CACNA2D1: variants seen among roughly 807,000 people sequenced by gnomAD.
CACNA2D1 encodes the protein calcium voltage-gated channel auxiliary subunit alpha2delta 1.
CACNA2D1 carries 53 observed loss-of-function variants against 171.5 expected under a neutral mutation model. That is an observed-to-expected ratio of 0.31 (90% CI 0.25 to 0.39). The LOEUF (loss-of-function observed/expected upper bound fraction) is 0.39. CACNA2D1 is among the 10% of genes least tolerant of loss of function. The pLI, the probability that CACNA2D1 is intolerant of heterozygous loss-of-function variation, is 1.00. For synonymous variants in CACNA2D1, 442 were observed against 443.1 expected (o/e 1.00, Z 0.03); for missense variants, 903 against 1,299.8 (o/e 0.69, Z 4.69).
chr7:82,127,667 C>A (rs907972797), intron 5 of CACNA2D1, among the ~76,000 whole-genome samples: 2 of 152,030 alleles, frequency 1.3e-5, no homozygotes, highest in African/African-American at 4.8e-5. Context: ...TACAAAAAAA[C>A]AAGGAAGGTT....
chr7:82,235,778 C>A (rs78290004), intron 3 of CACNA2D1, among the ~76,000 whole-genome samples: 1 of 151,896 alleles, frequency 6.6e-6, no homozygotes, highest in African/African-American at 2.4e-5. Context: ...GAGGATATTT[C>A]GGCTTTGAGA....
At chr7:82,162,066 T>C (rs1794999524) in intron 4 of CACNA2D1, among the ~76,000 whole-genome samples, 1 of 152,010 alleles carries the variant, frequency 6.6e-6, no homozygotes. Context: ...TGAAAAGACA[T>C]GAAGTGTGAA....
At chr7:82,363,254 C>CTATTTTTTTTTTTTTTTTTT (rs1821286522) in intron 1 of CACNA2D1, among the ~76,000 whole-genome samples, 1 of 63,420 alleles carries the variant, frequency 1.6e-5, no homozygotes, top group African/African-American at 8.4e-5. Flanking sequence ...TTATTTGTCT[C>CTATTTTTTTTTTTTTTTTTT]TTTTTTTTTT....
intron 21 of CACNA2D1, among the ~76,000 whole-genome samples, chr7:81,986,245 C>T (rs1443684627): frequency 6.6e-6 from 1 of 152,114 alleles, no homozygotes; most frequent in Non-Finnish European, 1.5e-5. Context: ...TAATGTAACC[C>T]ACTTGGTCAC....
chr7:82,018,989 G>GT (rs775360026), intron 12 of CACNA2D1, among the ~76,000 whole-genome samples: 2 of 146,730 alleles, frequency 1.4e-5, no homozygotes, highest in Non-Finnish European at 3.0e-5. Flanking sequence ...TTCTGTCTTG[G>GT]TGGGGTGGGG....
At chr7:82,196,146 TC>T (rs1798833010) in intron 3 of CACNA2D1, among the ~76,000 whole-genome samples, 1 of 152,066 alleles carries the variant, frequency 6.6e-6, no homozygotes, top group Admixed American at 6.6e-5. Flanking sequence ...TTACATAGCT[TC>T]AAAGTAGAAG....
intron 3 of CACNA2D1, among the ~76,000 whole-genome samples, chr7:82,225,485 TTTAATATTCATTTTACTCAGAA>T (rs1260225466): frequency 6.6e-6 from 1 of 152,206 alleles, no homozygotes; most frequent in Non-Finnish European, 1.5e-5. Context: ...TGTGCAGACA[TTTAATATTCATTTTACTCAGAA>T]AAGTTGCACA....
At chr7:82,230,232 T>C (rs975586368) in intron 3 of CACNA2D1, among the ~76,000 whole-genome samples, 6 of 152,150 alleles carry the variant, frequency 3.9e-5, no homozygotes, top group Admixed American at 2.6e-4. Flanking sequence ...CATCACAGAG[T>C]AGATTGGCCT....
chr7:82,388,266 A>T (rs1441656168), intron 1 of CACNA2D1, among the ~76,000 whole-genome samples: 2 of 152,174 alleles, frequency 1.3e-5, no homozygotes, highest in African/African-American at 2.4e-5. Flanking sequence ...TATATTTCAC[A>T]ATCAAAGGAG....
At chr7:82,349,053 G>C (rs1341319392) in intron 2 of CACNA2D1, among the ~76,000 whole-genome samples, 1 of 152,024 alleles carries the variant, frequency 6.6e-6, no homozygotes, top group African/African-American at 2.4e-5. Flanking sequence ...GTCTTTTATA[G>C]AGTCTCCTTA....
intron 4 of CACNA2D1, among the ~76,000 whole-genome samples, chr7:82,141,179 T>C (rs1792341971): frequency 6.6e-6 from 1 of 152,098 alleles, no homozygotes. Context: ...AAATCAGTCT[T>C]TCACTAGGAG....
intron 10 of CACNA2D1, among the ~76,000 whole-genome samples, chr7:82,060,158 T>C (rs1202475991): frequency 2.9e-5 from 1 of 34,196 alleles, no homozygotes; most frequent in South Asian, 9.4e-4. Context: ...ATGTATTATA[T>C]ATATATAATA....
intron 1 of CACNA2D1, among the ~76,000 whole-genome samples, chr7:82,396,733 C>G (rs2129451276): frequency 6.6e-6 from 1 of 152,268 alleles, no homozygotes; most frequent in South Asian, 2.1e-4. Flanking sequence ...GGAAATCTAA[C>G]TATAATGAAA....
At chr7:82,173,890 A>T (rs1303567741) in intron 3 of CACNA2D1, among the ~76,000 whole-genome samples, 1 of 151,602 alleles carries the variant, frequency 6.6e-6, no homozygotes, top group Non-Finnish European at 1.5e-5. Context: ...AAAAAATAAC[A>T]CAATTAGCCA....
rs1279891412 is a variant in CACNA2D1 at position 81,950,268 on chromosome 7, A to G, written c.*124T>C. ...GGAGTCTGCGCCTTAGTGTTATGCC[A>G]TGGAACAGGCCCAGCTAATGTTTGT... is the stretch of plus-strand genomic sequence containing the variant. On this transcript the variant is annotated 3_prime_UTR_variant, in exon 39 of 39. Transcript: ENST00000356860. 1.3e-6 allele frequency: 2 copies of G among 1,583,680 alleles called. No individual in the cohort carries two copies. Among genetic ancestry groups the G allele is most frequent in the African/African-American group, 2.7e-5 (2 of 74,396 alleles).
intron 3 of CACNA2D1, among the ~76,000 whole-genome samples, chr7:82,310,458 T>C (rs186064480): frequency 7.5e-4 from 114 of 151,976 alleles, no homozygotes; most frequent in African/African-American, 2.6e-3. Context: ...AAAAGGAGAA[T>C]TTCAAATTTT....
In CACNA2D1 at chr7:82,092,684, T is replaced by C. The variant is rs370210589; in HGVS notation, c.527-7784A>G. 2.6e-5 allele frequency among the ~76,000 whole-genome samples: 4 copies of C among 151,592 alleles called. No individual in the cohort carries two copies. The East Asian group carries it at 7.8e-4, about 29-fold the overall frequency. On this transcript the variant is annotated intron_variant, in intron 6 of 38. Coordinates refer to ENST00000356860, the MANE Select transcript of CACNA2D1 (RefSeq NM_000722.4). Reference sequence around the variant, plus strand: ...CTGGGATTACAGGTGTGAGCCACCATGCCCGGCCACTTCACAGCCATTTTT... The same window carrying C: ...CTGGGATTACAGGTGTGAGCCACCACGCCCGGCCACTTCACAGCCATTTTT...
At chr7:82,120,135 T>C (rs1355847488) in intron 5 of CACNA2D1, among the ~76,000 whole-genome samples, 1 of 152,138 alleles carries the variant, frequency 6.6e-6, no homozygotes, top group Non-Finnish European at 1.5e-5. Context: ...TGAGCTATAA[T>C]TATGCTACTC....
At chr7:82,066,659 T>C (rs961204008) in intron 7 of CACNA2D1, 135 bp from the exon 8 acceptor site, 16 of 1,331,164 alleles carry the variant, frequency 1.2e-5, no homozygotes, top group African/African-American at 9.0e-5. Flanking sequence ...ATGAGAGATA[T>C]CATTTTTAAG....
Sources: gnomAD v4.1 joint callset for allele counts (sites outside exome capture counted in the v4.1 genomes callset) on GRCh38, gnomAD v4.1.1 for gene constraint, MANE v1.5 for transcripts, NCBI Gene and HGNC (gene_info 2026-07-23, HGNC 2026-07-21) for gene names.